The following ASAP2 variants were observed in gnomAD, a reference collection of about 807,000 sequenced individuals.
The protein encoded by ASAP2 is arf-GAP with SH3 domain, ANK repeat and PH domain-containing protein 2.
ASAP2 carries 45 observed loss-of-function variants against 131.4 expected under a neutral mutation model. The observed-to-expected ratio is 0.34, with a 90% confidence interval of 0.27 to 0.44. The LOEUF is 0.44. ASAP2 is among the 20% of genes least tolerant of loss of function. The pLI is 1.00. For missense variants in ASAP2, 1,011 were observed against 1,297.0 expected (o/e 0.78, Z 3.39); for synonymous variants, 510 against 503.0 (o/e 1.01, Z -0.19).
rs1452702963 is a variant in ASAP2, at chr2:9,405,120, AT to A, written c.*1794del. 6.6e-6 allele frequency: 1 copy of A among 152,340 alleles called. No homozygotes were observed. Among genetic ancestry groups the A allele is most frequent in the African/African-American group, 2.4e-5 (1 of 41,426 alleles). 9.4% of individuals were successfully genotyped at this position (152,340 alleles called of 1,614,324 possible). A position where few individuals can be genotyped will look rare whatever the true frequency, so the allele number is the denominator to read the frequency against. On this transcript the variant is annotated 3_prime_UTR_variant, in exon 28 of 28. Transcript: ENST00000281419. The stretch of plus-strand genomic sequence containing the variant: ...ACATTAGAACTCCAGTCCCAAACTA[AT>A]CTGTCAGGTTCACTGGTACATAAAT...
intron 3 of ASAP2, among the ~76,000 whole-genome samples, chr2:9,299,856 A>G (rs920116216): frequency 5.9e-5 from 9 of 152,334 alleles, no homozygotes; most frequent in African/African-American, 1.9e-4. Context: ...AGCTTACTTA[A>G]TTCTTATGAC....
chr2:9,301,034 G>A (rs1202017373), intron 3 of ASAP2, among the ~76,000 whole-genome samples: 1 of 152,244 alleles, frequency 6.6e-6, no homozygotes, highest in African/African-American at 2.4e-5. Flanking sequence ...TGGGCAAATG[G>A]GGAGCGGATT....
intron 1 of ASAP2, among the ~76,000 whole-genome samples, chr2:9,236,430 G>C (rs1389134101): frequency 1.3e-5 from 2 of 152,100 alleles, no homozygotes; most frequent in Non-Finnish European, 1.5e-5. Context: ...TTTAACCTGT[G>C]TTGTGCAGTA....
chr2:9,220,179 T>A (rs1377168777), intron 1 of ASAP2, among the ~76,000 whole-genome samples: 3 of 152,220 alleles, frequency 2.0e-5, no homozygotes, highest in Non-Finnish European at 4.4e-5. Context: ...TTGTATAAAT[T>A]TTTGTGTAGA....
chr2:9,227,621 A>G (rs542635788), intron 1 of ASAP2, among the ~76,000 whole-genome samples: 1 of 152,350 alleles, frequency 6.6e-6, no homozygotes, highest in East Asian at 1.9e-4. Context: ...GGTAAGTAGT[A>G]GCCCTGAGAC....
intron 20 of ASAP2, among the ~76,000 whole-genome samples, chr2:9,384,922 A>G (rs1376982203): frequency 6.6e-6 from 1 of 152,250 alleles, no homozygotes; most frequent in Non-Finnish European, 1.5e-5. Context: ...GGGCAGGAGA[A>G]GTTCAGAGAG....
At chr2:9,278,897 T>C (rs1553302794) in intron 1 of ASAP2, among the ~76,000 whole-genome samples, 1 of 152,020 alleles carries the variant, frequency 6.6e-6, no homozygotes, top group Non-Finnish European at 1.5e-5. Flanking sequence ...TAGGGCTCTA[T>C]AGGGGGAAGG....
At chr2:9,243,367 C>A (rs1664113365) in intron 1 of ASAP2, among the ~76,000 whole-genome samples, 1 of 152,190 alleles carries the variant, frequency 6.6e-6, no homozygotes, top group South Asian at 2.1e-4. Flanking sequence ...CTCGGCCTCG[C>A]AAAGTGCTGG....
intron 20 of ASAP2, among the ~76,000 whole-genome samples, chr2:9,381,741 A>G (rs1674861740): frequency 6.6e-6 from 1 of 152,160 alleles, no homozygotes; most frequent in South Asian, 2.1e-4. Flanking sequence ...CATCTCCACA[A>G]AAACGTTTCG....
intron 3 of ASAP2, among the ~76,000 whole-genome samples, chr2:9,314,199 G>C (rs1284362075): frequency 1.3e-5 from 2 of 152,054 alleles, no homozygotes; most frequent in Admixed American, 1.3e-4. Context: ...GGTCAGGCTG[G>C]TCTCGAACTC....
intron 6 of ASAP2, among the ~76,000 whole-genome samples, chr2:9,324,641 A>C (rs1216109517): frequency 1.3e-5 from 2 of 152,142 alleles, no homozygotes; most frequent in African/African-American, 4.8e-5. Context: ...GTAATCCATG[A>C]ATGGATTAAT....
At chr2:9,372,758 G>A (rs1287417351) in intron 16 of ASAP2, among the ~76,000 whole-genome samples, 1 of 152,042 alleles carries the variant, frequency 6.6e-6, no homozygotes, top group Non-Finnish European at 1.5e-5. Flanking sequence ...TCCAGGGTGG[G>A]AACAAGCCCT....
In ASAP2 at chr2:9,393,559, C is replaced by G. The variant is rs1036858659; in HGVS notation, c.2596C>G (p.Pro866Ala). Reference sequence around the variant, plus strand: ...GGAAGCCTTGAGCCAGCCGAGCAAGCCTGCCCCGCCTGGGATCTCACAGAT... The same window carrying G: ...GGAAGCCTTGAGCCAGCCGAGCAAGGCTGCCCCGCCTGGGATCTCACAGAT... ...VMEALSQPSK[P>A]APPGISQIRP... Residue 866 changes from proline (P) to alanine (A), a missense_variant, in exon 24 of 28, where the codon CCT becomes GCT. Transcript: ENST00000281419. 1 of 1,595,986 alleles carries G rather than the reference C, an allele frequency of 6.3e-7. No individual in the cohort carries two copies. The highest frequency in any genetic ancestry group is 2.3e-5 in the East Asian group (1 of 43,912).
intron 24 of ASAP2, among the ~76,000 whole-genome samples, chr2:9,395,760 A>G (rs1448888492): frequency 6.6e-6 from 1 of 150,496 alleles, no homozygotes; most frequent in Non-Finnish European, 1.5e-5. Context: ...GGTGCCCACC[A>G]CCACGCCTGG....
chr2:9,261,311 C>T (rs1362541510), intron 1 of ASAP2, among the ~76,000 whole-genome samples: 2 of 152,202 alleles, frequency 1.3e-5, no homozygotes, highest in Non-Finnish European at 2.9e-5. Flanking sequence ...CGTCCTCCCT[C>T]CATTGGCTGG....
intron 11 of ASAP2, 105 bp from the exon 12 acceptor site, chr2:9,350,703 G>A (rs967853643): frequency 8.5e-6 from 8 of 942,042 alleles, no homozygotes; most frequent in Non-Finnish European, 1.2e-5. Flanking sequence ...TTGCAAACTA[G>A]TGAAGAGCTT....
rs1456080025 is a variant in ASAP2 at position 9,356,448 on chromosome 2, A to G, written c.1327+103A>G. 3.1e-6 allele frequency: 4 copies of G among 1,310,968 alleles called. No homozygotes were observed. In the African/African-American group the frequency reaches 4.5e-5, roughly 15 times the overall value. The allele number at this position is 1,310,968 out of a possible 1,614,324, so 81.2% of individuals were successfully genotyped here. On this transcript the variant is annotated intron_variant, in intron 14 of 27. Transcript: ENST00000281419. ...TTTTCACTTTCATTTCAAACACGAA[A>G]TTAAGTGCAGCTCAGCCTGAGTTCA...
intron 2 of ASAP2, among the ~76,000 whole-genome samples, chr2:9,280,482 A>G (rs1450075159): frequency 6.6e-6 from 1 of 152,214 alleles, no homozygotes; most frequent in African/African-American, 2.4e-5. Context: ...GTGCAGGATA[A>G]TGTTACAGTT....
Position 9,298,768 on chromosome 2 carries a change from T to C in ASAP2, c.345+1323T>C, listed in dbSNP as rs574367690. On this transcript the variant is annotated intron_variant, in intron 3 of 27. Transcript: ENST00000281419. ...GTAGAAAAGTCAGTTGGCTGCCTGCTCTCCCCGCACCTGGGTGGATAAGCC... is the reference window on the plus strand; with the variant it reads ...GTAGAAAAGTCAGTTGGCTGCCTGCCCTCCCCGCACCTGGGTGGATAAGCC... Among the ~76,000 whole-genome samples the C allele has an allele frequency of 5.9e-5, 9 of 152,284 alleles. No homozygotes were observed. In the South Asian group the frequency reaches 1.9e-3, roughly 32 times the overall value.
Sources: allele counts gnomAD v4.1 joint callset (sites outside exome capture counted in the v4.1 genomes callset), GRCh38; gene constraint gnomAD v4.1.1; transcripts MANE v1.5; gene names NCBI Gene and HGNC (gene_info 2026-07-23, HGNC 2026-07-21).